ARHGEF38: variants seen among roughly 807,000 people sequenced by gnomAD.
ARHGEF38 encodes the protein Rho guanine nucleotide exchange factor 38.
A neutral mutation model predicts 79.9 loss-of-function variants in ARHGEF38; 79 were observed. The ratio of observed to expected loss-of-function variants is 0.99; its 90% CI spans 0.82 to 1.19. The LOEUF (loss-of-function observed/expected upper bound fraction) is 1.19, where lower values mean the gene tolerates loss of function less well. Among genes scored for constraint, ARHGEF38 ranks in the 50% most tolerant of loss-of-function variants. ARHGEF38 has a pLI of 0.00. For synonymous variants in ARHGEF38, 366 were observed against 328.3 expected (o/e 1.11, Z -1.24); for missense variants, 962 against 907.2 (o/e 1.06, Z -0.78).
rs141209252 is a variant in ARHGEF38, at chr4:105,604,258, A to G, written c.385-9126A>G. ...GATCAAGTGACATTCCCCAAGGGAA[A>G]AAATGTGGGAATTACAGTGGTCAAG... is the stretch of plus-strand genomic sequence containing the variant. On this transcript the variant is annotated intron_variant, in intron 2 of 13. Transcript: ENST00000420470. Among the ~76,000 whole-genome samples the G allele has an allele frequency of 1.2e-3, 184 of 152,304 alleles. 2 individuals are homozygous for G. Among genetic ancestry groups the G allele is most frequent in the African/African-American group, 4.0e-3 (167 of 41,578 alleles).
intron 9 of ARHGEF38, 109 bp downstream of exon 9, chr4:105,655,831 A>T: frequency 8.5e-7 from 1 of 1,180,494 alleles, no homozygotes; most frequent in East Asian, 2.7e-5. Flanking sequence ...CACTAAAGCA[A>T]ATATTAATGT....
chr4:105,666,673 G>A lies in ARHGEF38; in HGVS notation c.1689+353G>A, dbSNP rs75188416. Among the ~76,000 whole-genome samples the A allele has an allele frequency of 9.7e-3, 1,480 of 152,286 alleles. 25 individuals carry two copies. Among genetic ancestry groups the A allele is most frequent in the African/African-American group, 0.034 (1,424 of 41,554 alleles). On this transcript the variant is annotated intron_variant, in intron 11 of 13. Transcript: ENST00000420470. Reference sequence around the variant, plus strand: ...AAGGCATACCAGGCCCCAGAGATAAGTGGGTTTCTCAAAGTCTCTTAGGGC... The same window carrying A: ...AAGGCATACCAGGCCCCAGAGATAAATGGGTTTCTCAAAGTCTCTTAGGGC...
intron 1 of ARHGEF38, among the ~76,000 whole-genome samples, chr4:105,564,268 A>G (rs1725780111): frequency 6.6e-6 from 1 of 152,236 alleles, no homozygotes; most frequent in Admixed American, 6.5e-5. Flanking sequence ...ATACATTAAT[A>G]TGATACGTAT....
chr4:105,561,608 T>C (rs1725632316), intron 1 of ARHGEF38: 1 of 152,114 alleles, frequency 6.6e-6, no homozygotes, highest in Non-Finnish European at 1.5e-5. Context: ...TCGTCTTTTT[T>C]GGGAGTCCCT....
intron 3 of ARHGEF38, among the ~76,000 whole-genome samples, chr4:105,616,133 G>A (rs1005906918): frequency 6.6e-6 from 1 of 152,124 alleles, no homozygotes; most frequent in African/African-American, 2.4e-5. Context: ...ATGCTACAGA[G>A]TGTCTAGAGG....
chr4:105,674,498 A>G lies in ARHGEF38; in HGVS notation c.2149-3254A>G, dbSNP rs542000483. On this transcript the variant is annotated intron_variant, in intron 13 of 13. Coordinates refer to ENST00000420470, the MANE Select transcript of ARHGEF38 (RefSeq NM_001242729.2). ...GAGAAATCTTTCAGTTCTTAAATGC[A>G]TGACAGGTTAAAAATTTATAACTTG... 1.1e-4 allele frequency among the ~76,000 whole-genome samples: 16 copies of G among 152,276 alleles called. No homozygotes were observed. The South Asian group carries it at 3.3e-3, about 32-fold the overall frequency.
intron 2 of ARHGEF38, among the ~76,000 whole-genome samples, chr4:105,610,617 T>C (rs1305106674): frequency 1.3e-5 from 2 of 152,082 alleles, no homozygotes; most frequent in African/African-American, 4.8e-5. Flanking sequence ...GTTTGTTCCT[T>C]GGCATAGCAA....
At position 105,586,244 on chromosome 4, in the gene ARHGEF38, C is replaced by T. The variant is rs528041774; in HGVS notation, c.197-3004C>T. On this transcript the variant is annotated intron_variant, in intron 1 of 13. Coordinates refer to ENST00000420470, the MANE Select transcript of ARHGEF38 (RefSeq NM_001242729.2). ...AGTTTGTTGGTTTAAGAAATGCAAA[C>T]ATAGAAAGTGTTTAGAAACCTGACC... 2.6e-5 allele frequency among the ~76,000 whole-genome samples: 4 copies of T among 151,200 alleles called. No homozygotes were observed. In the East Asian group the frequency reaches 7.7e-4, roughly 29 times the overall value.
intron 1 of ARHGEF38, among the ~76,000 whole-genome samples, chr4:105,557,887 TG>T (rs1275455467): frequency 2.0e-5 from 3 of 152,118 alleles, no homozygotes; most frequent in African/African-American, 7.2e-5. Context: ...ACTAAACTTC[TG>T]GTTAATTTTC....
intron 5 of ARHGEF38, among the ~76,000 whole-genome samples, chr4:105,638,366 A>T (rs1376268529): frequency 6.6e-6 from 1 of 152,262 alleles, no homozygotes; most frequent in East Asian, 1.9e-4. Context: ...AAAAGCAAGA[A>T]AAAAATGCCT....
chr4:105,589,481 AG>A (rs1387679147), intron 2 of ARHGEF38, 46 bp downstream of exon 2: 2 of 1,524,046 alleles, frequency 1.3e-6, no homozygotes, highest in East Asian at 2.3e-5. Context: ...TATCATAAAT[AG>A]GATCACTAGC....
chr4:105,637,083 C>T (rs954239566), intron 5 of ARHGEF38, among the ~76,000 whole-genome samples: 1 of 152,072 alleles, frequency 6.6e-6, no homozygotes, highest in Non-Finnish European at 1.5e-5. Flanking sequence ...TTACCAGGCA[C>T]ATGTTTGGCT....
intron 3 of ARHGEF38, among the ~76,000 whole-genome samples, chr4:105,628,417 T>C (rs1729041168): frequency 6.6e-6 from 1 of 152,212 alleles, no homozygotes; most frequent in Non-Finnish European, 1.5e-5. Context: ...TAGTTCCCAT[T>C]TGCTACCTGG....
chr4:105,642,383 A>G (rs1729655271), intron 5 of ARHGEF38, among the ~76,000 whole-genome samples: 1 of 152,162 alleles, frequency 6.6e-6, no homozygotes, highest in Non-Finnish European at 1.5e-5. Flanking sequence ...AGGAGAAACA[A>G]CAATCATGTA....
chr4:105,587,860 G>A (rs977282657), intron 1 of ARHGEF38, among the ~76,000 whole-genome samples: 7 of 152,204 alleles, frequency 4.6e-5, no homozygotes, highest in Non-Finnish European at 8.8e-5. Context: ...TGATGAAGGA[G>A]GGATTGGTAG....
intron 2 of ARHGEF38, among the ~76,000 whole-genome samples, chr4:105,610,771 T>C (rs2110488408): frequency 6.6e-6 from 1 of 152,180 alleles, no homozygotes; most frequent in Non-Finnish European, 1.5e-5. Flanking sequence ...TTTTGTTATT[T>C]AGTATTTGTG....
At chr4:105,618,412 C>T (rs567630057) in intron 3 of ARHGEF38, among the ~76,000 whole-genome samples, 6 of 152,116 alleles carry the variant, frequency 3.9e-5, no homozygotes, top group South Asian at 4.2e-4. Context: ...CTGATGTGGG[C>T]GGATCACGAG....
intron 2 of ARHGEF38, among the ~76,000 whole-genome samples, chr4:105,600,685 A>G (rs933857089): frequency 2.0e-5 from 3 of 152,040 alleles, no homozygotes; most frequent in Non-Finnish European, 4.4e-5. Context: ...TCAAATCTCT[A>G]CTTAATTGTC....
Position 105,655,542 on chromosome 4 carries a change from A to G in ARHGEF38, c.1114-61A>G, listed in dbSNP as rs1195509861. The G allele has an allele frequency of 2.7e-6, 4 of 1,499,732 alleles. No individual in the cohort carries two copies. The African/African-American group carries it at 5.6e-5, about 21-fold the overall frequency. The allele number at this position is 1,499,732 out of a possible 1,614,324, so 92.9% of individuals were successfully genotyped here. A position where few individuals can be genotyped will look rare whatever the true frequency, so the allele number is the denominator to read the frequency against. ...TATGCTGATGAAGTCCACATTTGGG[A>G]TATGTTAATTATACTGACCTCAAAA... On this transcript the variant is annotated intron_variant, in intron 8 of 13. Coordinates refer to ENST00000420470, the MANE Select transcript of ARHGEF38 (RefSeq NM_001242729.2).
Sources: gnomAD v4.1 joint callset for allele counts (sites outside exome capture counted in the v4.1 genomes callset) on GRCh38, gnomAD v4.1.1 for gene constraint, MANE v1.5 for transcripts, NCBI Gene and HGNC (gene_info 2026-07-23, HGNC 2026-07-21) for gene names.